LRMDA: variants seen among roughly 807,000 people sequenced by gnomAD.
The protein encoded by LRMDA is leucine-rich melanocyte differentiation-associated protein.
In LRMDA, 18 loss-of-function variants were observed where a neutral mutation model predicts 29.8. That is an observed-to-expected ratio of 0.60 (90% CI 0.42 to 0.90). LRMDA has a LOEUF of 0.90. Among genes scored for constraint, LRMDA ranks in the 40% least tolerant of loss-of-function variants. The pLI, the probability that LRMDA is intolerant of heterozygous loss-of-function variation, is 0.00. For missense variants in LRMDA, 273 were observed against 273.9 expected, an observed-to-expected ratio of 1.00 and a Z score of 0.02; for synonymous variants, 125 against 109.4, an observed-to-expected ratio of 1.14 and a Z score of -0.89.
chr10:76,251,277 G>A (rs1239632676), intron 5 of LRMDA, among the ~76,000 whole-genome samples: 1 of 108,856 alleles, frequency 9.2e-6, no homozygotes, highest in African/African-American at 3.4e-5. Flanking sequence ...ACGGAGTCTC[G>A]CTCTGTCACC....
chr10:76,001,259 A>G (rs1356777055), intron 2 of LRMDA, among the ~76,000 whole-genome samples: 2 of 152,212 alleles, frequency 1.3e-5, no homozygotes. Flanking sequence ...ACAAACAAAT[A>G]AAAATGAAGT....
chr10:75,785,042 G>T (rs1196937548), intron 2 of LRMDA, among the ~76,000 whole-genome samples: 1 of 152,174 alleles, frequency 6.6e-6, no homozygotes, highest in Non-Finnish European at 1.5e-5. Flanking sequence ...CTGCTTGTGG[G>T]CGTGTGGCAT....
chr10:76,082,855 A>G (rs1849069990), intron 5 of LRMDA, among the ~76,000 whole-genome samples: 1 of 152,222 alleles, frequency 6.6e-6, no homozygotes, highest in African/African-American at 2.4e-5. Context: ...AAATTCTTGC[A>G]TAGGTCCATA....
Position 76,370,458 on chromosome 10 carries a change from G to T in LRMDA, c.601+45973G>T, listed in dbSNP as rs11001753. ...TGAAGTCCTTTCCAATCATGTTAGA[G>T]AAATGGATTCCAGTGTTTGCAAGTG... On this transcript the variant is annotated intron_variant, in intron 6 of 6. Transcript: ENST00000611255. Among the ~76,000 whole-genome samples, 28 of 152,226 alleles carry T rather than the reference G, an allele frequency of 1.8e-4. 1 individual carries two copies. In the East Asian group the frequency reaches 5.2e-3, roughly 28 times the overall value.
chr10:75,837,175 C>G (rs181283338), intron 2 of LRMDA, among the ~76,000 whole-genome samples: 1 of 152,174 alleles, frequency 6.6e-6, no homozygotes, highest in East Asian at 1.9e-4. Flanking sequence ...AACTCTAAGC[C>G]TTAGTAAAAC....
chr10:76,181,583 C>T (rs1486485369), intron 5 of LRMDA, among the ~76,000 whole-genome samples: 1 of 152,088 alleles, frequency 6.6e-6, no homozygotes, highest in Non-Finnish European at 1.5e-5. Context: ...TTGGGGGCAG[C>T]AAGAGAGTCT....
At chr10:75,575,002 C>A (rs1396481829) in intron 2 of LRMDA, among the ~76,000 whole-genome samples, 1 of 152,144 alleles carries the variant, frequency 6.6e-6, no homozygotes, top group Non-Finnish European at 1.5e-5. Flanking sequence ...AGCTTCCAAT[C>A]ATGGTGGAAG....
chr10:76,362,218 C>A (rs1372675803), intron 6 of LRMDA, among the ~76,000 whole-genome samples: 1 of 152,146 alleles, frequency 6.6e-6, no homozygotes, highest in African/African-American at 2.4e-5. Flanking sequence ...AATCTCAATT[C>A]CTTTAGCTGA....
At chr10:75,725,758 A>G (rs1318038070) in intron 2 of LRMDA, among the ~76,000 whole-genome samples, 1 of 152,216 alleles carries the variant, frequency 6.6e-6, no homozygotes, top group Non-Finnish European at 1.5e-5. Flanking sequence ...GAAAAAGTAA[A>G]ACATTAATCT....
At chr10:76,238,317 C>G (rs1852199286) in intron 5 of LRMDA, among the ~76,000 whole-genome samples, 1 of 152,084 alleles carries the variant, frequency 6.6e-6, no homozygotes, top group Non-Finnish European at 1.5e-5. Flanking sequence ...CCTCTATTTA[C>G]TTATTAGGAA....
intron 2 of LRMDA, among the ~76,000 whole-genome samples, chr10:75,467,754 C>T (rs1028198358): frequency 6.6e-6 from 1 of 151,896 alleles, no homozygotes; most frequent in African/African-American, 2.4e-5. Context: ...TGAGGTCAAG[C>T]GATTGAGACC....
intron 3 of LRMDA, among the ~76,000 whole-genome samples, chr10:76,038,741 ATTG>A (rs552968013): frequency 1.0e-3 from 155 of 152,278 alleles, no homozygotes; most frequent in African/African-American, 3.5e-3. Flanking sequence ...TAGGTTCCAT[ATTG>A]TTATTGCCAC....
chr10:75,860,156 C>T (rs1844898434), intron 2 of LRMDA, among the ~76,000 whole-genome samples: 1 of 152,044 alleles, frequency 6.6e-6, no homozygotes, highest in East Asian at 1.9e-4. Context: ...GAGTATTTCA[C>T]AAAATTTATG....
In LRMDA at chr10:76,069,282, G is replaced by C. The variant is rs188337775; in HGVS notation, c.516+10499G>C. On this transcript the variant is annotated intron_variant, in intron 5 of 6. Transcript: ENST00000611255. ...AGGCTTGTCCTTGGGGTCACTGAAG[G>C]CTGGTGCTACAATTAGCCCTTCTGT... is the stretch of plus-strand genomic sequence containing the variant. 4.0e-3 allele frequency among the ~76,000 whole-genome samples: 612 copies of C among 152,306 alleles called. 4 individuals are homozygous for C. Among genetic ancestry groups the C allele is most frequent in the Non-Finnish European group, 6.2e-3 (422 of 68,024 alleles).
At chr10:76,146,597 TG>T (rs1431001026) in intron 5 of LRMDA, among the ~76,000 whole-genome samples, 3 of 152,200 alleles carry the variant, frequency 2.0e-5, no homozygotes, top group Admixed American at 6.5e-5. Context: ...GCACGTGAGA[TG>T]GGTTTCCTGA....
chr10:76,300,583 T>A (rs1330213844), intron 5 of LRMDA, among the ~76,000 whole-genome samples: 4 of 152,246 alleles, frequency 2.6e-5, no homozygotes, highest in African/African-American at 9.6e-5. Context: ...TCTGTCTTTC[T>A]CTCCTGGAAC....
chr10:76,291,311 T>G (rs1840337447), intron 5 of LRMDA, among the ~76,000 whole-genome samples: 1 of 152,192 alleles, frequency 6.6e-6, no homozygotes, highest in Admixed American at 6.5e-5. Flanking sequence ...TCTGGGATAT[T>G]GTGATGAACA....
intron 2 of LRMDA, among the ~76,000 whole-genome samples, chr10:75,717,539 C>G (rs1245152863): frequency 6.6e-6 from 1 of 152,194 alleles, no homozygotes; most frequent in Non-Finnish European, 1.5e-5. Context: ...TGCAGCTTGT[C>G]TCTTCTGGGG....
intron 1 of LRMDA, among the ~76,000 whole-genome samples, chr10:75,434,847 T>C (rs1187399078): frequency 1.3e-5 from 2 of 152,172 alleles, no homozygotes; most frequent in African/African-American, 4.8e-5. Context: ...GACAAACTCA[T>C]CATCTCCAGA....
Sources: gnomAD v4.1 joint callset for allele counts (sites outside exome capture counted in the v4.1 genomes callset) on GRCh38, gnomAD v4.1.1 for gene constraint, MANE v1.5 for transcripts, NCBI Gene and HGNC (gene_info 2026-07-23, HGNC 2026-07-21) for gene names.